The following ST6GALNAC3 variants were observed in gnomAD, a reference collection of about 807,000 sequenced individuals.
ST6GALNAC3 encodes ST6 N-acetylgalactosaminide alpha-2,6-sialyltransferase 3, also known as alpha-N-acetylgalactosaminide alpha-2,6-sialyltransferase 3.
In ST6GALNAC3, 25 loss-of-function variants were observed where a neutral mutation model predicts 32.7. The ratio of observed to expected loss-of-function variants is 0.76; its 90% CI spans 0.56 to 1.07. The LOEUF (loss-of-function observed/expected upper bound fraction) is 1.07. ST6GALNAC3 is among the 50% of genes least tolerant of loss of function. The pLI is 0.00. For synonymous variants in ST6GALNAC3, 129 were observed against 133.1 expected (o/e 0.97, Z 0.21); for missense variants, 355 against 382.4 (o/e 0.93, Z 0.60).
intron 2 of ST6GALNAC3, among the ~76,000 whole-genome samples, chr1:76,365,874 T>A (rs2101064666): frequency 6.6e-6 from 1 of 152,320 alleles, no homozygotes; most frequent in Non-Finnish European, 1.5e-5. Flanking sequence ...TATACATCAA[T>A]AAACACAATC....
At chr1:76,548,876 A>G (rs1157574626) in intron 3 of ST6GALNAC3, among the ~76,000 whole-genome samples, 2 of 152,148 alleles carry the variant, frequency 1.3e-5, no homozygotes, top group Non-Finnish European at 2.9e-5. Context: ...TGGGATAGAT[A>G]TCTTCCATAG....
chr1:76,524,627 C>T (rs1233543565), intron 3 of ST6GALNAC3, among the ~76,000 whole-genome samples: 1 of 151,514 alleles, frequency 6.6e-6, no homozygotes, highest in Non-Finnish European at 1.5e-5. Flanking sequence ...CAGTGGCTTT[C>T]TTGGTATCTT....
At chr1:76,322,010 C>T (rs114149985) in intron 2 of ST6GALNAC3, among the ~76,000 whole-genome samples, 1,577 of 152,042 alleles carry the variant, frequency 0.01, 35 homozygotes, top group African/African-American at 0.036. Context: ...GAAGATATAC[C>T]GCAGTTTTAT....
intron 2 of ST6GALNAC3, among the ~76,000 whole-genome samples, chr1:76,332,860 G>T (rs1647217712): frequency 6.6e-6 from 1 of 151,960 alleles, no homozygotes; most frequent in Admixed American, 6.6e-5. Flanking sequence ...CATTTACCTG[G>T]TAAACTCCTT....
intron 3 of ST6GALNAC3, among the ~76,000 whole-genome samples, chr1:76,589,523 G>A (rs760191475): frequency 1.2e-4 from 18 of 151,796 alleles, no homozygotes; most frequent in Non-Finnish European, 2.4e-4. Flanking sequence ...AATAAAACTT[G>A]GTAATTCTTA....
At chr1:76,373,343 C>T (rs1332502885) in intron 2 of ST6GALNAC3, among the ~76,000 whole-genome samples, 4 of 152,142 alleles carry the variant, frequency 2.6e-5, no homozygotes, top group African/African-American at 7.2e-5. Context: ...TTTCAAGGTC[C>T]TTGTGGGAAG....
At chr1:76,566,554 C>G (rs1665565916) in intron 3 of ST6GALNAC3, among the ~76,000 whole-genome samples, 2 of 152,078 alleles carry the variant, frequency 1.3e-5, no homozygotes, top group South Asian at 4.2e-4. Flanking sequence ...AGCCCTGCCC[C>G]CAAGACCCTT....
intron 2 of ST6GALNAC3, among the ~76,000 whole-genome samples, chr1:76,377,895 G>T (rs1364727327): frequency 6.6e-6 from 1 of 152,160 alleles, no homozygotes; most frequent in Non-Finnish European, 1.5e-5. Flanking sequence ...GTCTACTGGG[G>T]TCGCAGGGGT....
At chr1:76,105,507 T>TGTGCTA (rs2100787035) in intron 1 of ST6GALNAC3, among the ~76,000 whole-genome samples, 1 of 152,102 alleles carries the variant, frequency 6.6e-6, no homozygotes, top group African/African-American at 2.4e-5. Flanking sequence ...CATCCTGAGA[T>TGTGCTA]TAGGTCACAG....
rs1157967427 is a variant in ST6GALNAC3 at position 76,132,330 on chromosome 1, G to T, written c.18+57446G>T. ...TGGGTATTGGGAAACTCCAGCAGCA[G>T]CTTGCCTTCCCTCCAGTGGGGAGGA... On this transcript the variant is annotated intron_variant, in intron 1 of 4. Coordinates refer to ENST00000328299, the MANE Select transcript of ST6GALNAC3 (RefSeq NM_152996.4). Among the ~76,000 whole-genome samples, 5 of 152,160 alleles carry T rather than the reference G, an allele frequency of 3.3e-5. No homozygotes were observed. In the East Asian group the frequency reaches 9.6e-4, roughly 29 times the overall value.
intron 1 of ST6GALNAC3, among the ~76,000 whole-genome samples, chr1:76,090,429 TG>T (rs1647028495): frequency 6.6e-6 from 1 of 152,260 alleles, no homozygotes; most frequent in Admixed American, 6.5e-5. Flanking sequence ...CGGATGGCTG[TG>T]CCTCCTGGTC....
At chr1:76,296,614 CA>C (rs1235425433) in intron 1 of ST6GALNAC3, among the ~76,000 whole-genome samples, 1 of 152,020 alleles carries the variant, frequency 6.6e-6, no homozygotes, top group Non-Finnish European at 1.5e-5. Context: ...ATGTCCATAG[CA>C]GTGTTTTACT....
intron 1 of ST6GALNAC3, among the ~76,000 whole-genome samples, chr1:76,214,905 G>A (rs1000014013): frequency 6.6e-6 from 1 of 152,090 alleles, no homozygotes; most frequent in Non-Finnish European, 1.5e-5. Flanking sequence ...TCAATTCTTG[G>A]CTTTCACTTA....
chr1:76,287,915 A>C (rs1394594188), intron 1 of ST6GALNAC3, among the ~76,000 whole-genome samples: 1 of 152,200 alleles, frequency 6.6e-6, no homozygotes, highest in Non-Finnish European at 1.5e-5. Context: ...TGGAGGCACA[A>C]AGTTGTTAAG....
chr1:76,471,372 A>C (rs1304308423), intron 3 of ST6GALNAC3, among the ~76,000 whole-genome samples: 4 of 152,006 alleles, frequency 2.6e-5, no homozygotes, highest in Non-Finnish European at 5.9e-5. Context: ...AATGCTTACT[A>C]TGTTCTTATT....
intron 3 of ST6GALNAC3, among the ~76,000 whole-genome samples, chr1:76,482,206 T>C (rs1659770019): frequency 6.6e-6 from 1 of 151,920 alleles, no homozygotes. Context: ...AGATTCAGAA[T>C]TTCAGCCCAA....
intron 1 of ST6GALNAC3, among the ~76,000 whole-genome samples, chr1:76,239,995 G>T (rs1194857654): frequency 6.6e-6 from 1 of 152,096 alleles, no homozygotes; most frequent in Non-Finnish European, 1.5e-5. Flanking sequence ...TTCCTATTAA[G>T]GTAGCCATTG....
chr1:76,075,978 G>A (rs1036770080), intron 1 of ST6GALNAC3, among the ~76,000 whole-genome samples: 1 of 152,196 alleles, frequency 6.6e-6, no homozygotes, highest in Non-Finnish European at 1.5e-5. Context: ...CGTGCCTGGT[G>A]TCAATGATGA....
chr1:76,607,971 G>A (rs1347817479), intron 3 of ST6GALNAC3, among the ~76,000 whole-genome samples: 2 of 152,164 alleles, frequency 1.3e-5, no homozygotes, highest in African/African-American at 2.4e-5. Context: ...CTAGGTGACA[G>A]TTTCTTTTAA....
Sources: allele counts gnomAD v4.1 joint callset (sites outside exome capture counted in the v4.1 genomes callset), GRCh38; gene constraint gnomAD v4.1.1; transcripts MANE v1.5; gene names NCBI Gene and HGNC (gene_info 2026-07-23, HGNC 2026-07-21).